The following STRA6 variants were observed in gnomAD, a reference collection of about 807,000 sequenced individuals.
STRA6 encodes the protein signaling receptor and transporter of retinol STRA6.
Under a neutral mutation model 83.6 loss-of-function variants are expected in STRA6, and 48 were observed. That is an observed-to-expected ratio of 0.57 (90% confidence interval 0.46 to 0.73). The LOEUF (loss-of-function observed/expected upper bound fraction) is 0.73, where lower values mean the gene tolerates loss of function less well. STRA6 is among the 30% of genes least tolerant of loss of function. STRA6 has a pLI of 0.00. For missense variants in STRA6, 760 were observed against 838.8 expected, an observed-to-expected ratio of 0.91 and a Z score of 1.16; for synonymous variants, 353 against 362.3, an observed-to-expected ratio of 0.97 and a Z score of 0.29.
intron 14 of STRA6, among the ~76,000 whole-genome samples, chr15:74,183,077 C>T (rs1439149934): frequency 6.6e-6 from 1 of 152,228 alleles, no homozygotes; most frequent in Admixed American, 6.5e-5. Flanking sequence ...CAGCCCCTCA[C>T]CATTCAGAGT....
rs11631944 is a variant in STRA6 at position 74,179,953 on chromosome 15, A to G, written c.*127T>C. On this transcript the variant is annotated 3_prime_UTR_variant, in exon 19 of 19. Coordinates refer to ENST00000395105, the MANE Select transcript of STRA6 (RefSeq NM_022369.4). ...TGCAGACAGACCTCCACCCAACCACAGTGATCCGGAGGACCTGCTGGCTGC... is the reference window on the plus strand; with the variant it reads ...TGCAGACAGACCTCCACCCAACCACGGTGATCCGGAGGACCTGCTGGCTGC... 0.19 allele frequency: 244,514 copies of G among 1,301,488 alleles called. 26,500 individuals carry two copies. The highest frequency in any genetic ancestry group is 0.22 in the Non-Finnish European group (202,769 of 928,572). 80.6% of individuals were successfully genotyped at this position (1,301,488 alleles called of 1,614,324 possible).
intron 8 of STRA6, among the ~76,000 whole-genome samples, chr15:74,192,633 C>T (rs1056679424): frequency 6.6e-6 from 1 of 152,208 alleles, no homozygotes; most frequent in Non-Finnish European, 1.5e-5. Context: ...CCTCCACCTT[C>T]CCTGGGCCAG....
intron 13 of STRA6, among the ~76,000 whole-genome samples, chr15:74,184,209 C>G (rs539548692): frequency 6.6e-6 from 1 of 152,178 alleles, no homozygotes; most frequent in East Asian, 1.9e-4. Flanking sequence ...GAATACAAAA[C>G]GAGGCAGAAG....
chr15:74,210,560 G>C (rs747315475), upstream of STRA6, among the ~76,000 whole-genome samples: 1 of 152,222 alleles, frequency 6.6e-6, no homozygotes, highest in East Asian at 1.9e-4. Context: ...GGTCACACTT[G>C]GGGGAGGGGT....
chr15:74,209,051 C>T (rs976690662), upstream of STRA6: 3 of 1,189,492 alleles, frequency 2.5e-6, no homozygotes, highest in African/African-American at 3.2e-5. Context: ...GAAGGCAGCT[C>T]CCCCCTTCTC....
Position 74,191,189 on chromosome 15 carries a change from G to A in STRA6, c.843C>T (p.His281=), listed in dbSNP as rs1465476903. Residue 281 remains histidine, a synonymous_variant, in exon 10 of 19, where the codon CAC becomes CAT. Coordinates refer to ENST00000395105, the MANE Select transcript of STRA6 (RefSeq NM_022369.4). ...FLSWARVCLR[H]CIYTPQPGFH... ...TACCTGGCTGTGGAGTGTAGATGCA[G>A]TGTCTCAAGCAGACGCGGGCCCAGG... The A allele has an allele frequency of 3.1e-6, 5 of 1,613,956 alleles. No homozygotes were observed. Among genetic ancestry groups the A allele is most frequent in the Middle Eastern group, 1.6e-4 (1 of 6,084 alleles).
At position 74,180,956 on chromosome 15, in the gene STRA6, T is replaced by C; in HGVS notation, c.1685-19A>G. ...TAGTAGCCTGGGGTGGGGTGGCGGA[T>C]GGCAATGCTGGGGGAGCAGGGGCCA... On this transcript the variant is annotated intron_variant, in intron 17 of 18. Coordinates refer to ENST00000395105, the MANE Select transcript of STRA6 (RefSeq NM_022369.4). 1 of 1,612,986 alleles carries C rather than the reference T, an allele frequency of 6.2e-7. No individual in the cohort carries two copies. The highest frequency in any genetic ancestry group is 8.5e-7 in the Non-Finnish European group (1 of 1,179,686).
At chr15:74,185,826 G>A (rs1027702069) in intron 12 of STRA6, among the ~76,000 whole-genome samples, 32 of 152,234 alleles carry the variant, frequency 2.1e-4, no homozygotes, top group African/African-American at 7.0e-4. Context: ...AGAGGGCTTC[G>A]CCCAGACAGC....
rs928063067 is a variant in STRA6, at chr15:74,191,869, C to T, written c.721-378G>A. ...AAGGGAAGCTTGTGTCCCACGGGCA[C>T]ATCCTAGACCAGGACACAGAAGAGG... On this transcript the variant is annotated intron_variant, in intron 8 of 18. Coordinates refer to ENST00000395105, the MANE Select transcript of STRA6 (RefSeq NM_022369.4). 5 of 377,384 alleles carry T rather than the reference C, an allele frequency of 1.3e-5. No homozygotes were observed. In the East Asian group the frequency reaches 3.2e-4, roughly 25 times the overall value. The allele number at this position is 377,384 out of a possible 1,614,324, so 23.4% of individuals were successfully genotyped here.
intron 7 of STRA6, 56 bp from the exon 8 acceptor site, chr15:74,193,978 A>T: frequency 1.2e-6 from 2 of 1,602,436 alleles, no homozygotes; most frequent in Non-Finnish European, 1.7e-6. Flanking sequence ...CCAGCCAAGA[A>T]CCAGAATCCG....
chr15:74,198,849 G>A (rs186536854), intron 2 of STRA6, among the ~76,000 whole-genome samples: 18 of 152,322 alleles, frequency 1.2e-4, no homozygotes, highest in Admixed American at 1.1e-3. Context: ...TGAGCGCAGA[G>A]GTAAACCCAC....
upstream of STRA6, among the ~76,000 whole-genome samples, chr15:74,210,780 A>G (rs2074354769): frequency 6.6e-6 from 1 of 152,166 alleles, no homozygotes; most frequent in Non-Finnish European, 1.5e-5. Flanking sequence ...TAGACTAGGT[A>G]TTGGCCAGTG....
chr15:74,182,475 A>G lies in STRA6; in HGVS notation c.1301-15T>C. 2 of 1,597,618 alleles carry G rather than the reference A, an allele frequency of 1.3e-6. No individual in the cohort carries two copies. The highest frequency in any genetic ancestry group is 8.5e-7 in the Non-Finnish European group (1 of 1,171,324). The stretch of plus-strand genomic sequence containing the variant: ...CACCAGGAGCCCTGCCAGGGGCGGG[A>G]GTGGCAGGGGGACAGAAAACAGGTT... On this transcript the variant is annotated splice_polypyrimidine_tract_variant and intron_variant, in intron 14 of 18. Coordinates refer to ENST00000395105, the MANE Select transcript of STRA6 (RefSeq NM_022369.4).
chr15:74,179,902 G>T lies in STRA6; in HGVS notation c.*178C>A. ...TGGCTCTCCCATAGCCAAGTGGGTG[G>T]AGCAGAGCCCTCCTGAGGCTCCCAG... On this transcript the variant is annotated 3_prime_UTR_variant, in exon 19 of 19. Transcript: ENST00000395105. The T allele has an allele frequency of 1.2e-6, 1 of 808,224 alleles. No homozygotes were observed. Among genetic ancestry groups the T allele is most frequent in the Non-Finnish European group, 1.9e-6 (1 of 516,638 alleles). The allele number at this position is 808,224 out of a possible 1,614,324, so 50.1% of individuals were successfully genotyped here. A position where few individuals can be genotyped will look rare whatever the true frequency, so the allele number is the denominator to read the frequency against.
At chr15:74,207,259 T>A (rs912818133), upstream of STRA6, among the ~76,000 whole-genome samples, 1 of 152,042 alleles carries the variant, frequency 6.6e-6, no homozygotes, top group African/African-American at 2.4e-5. Flanking sequence ...GCCAGCAGCA[T>A]CCCCAGAACC....
upstream of STRA6, among the ~76,000 whole-genome samples, chr15:74,211,828 CCTTTCCTTCTGTCTCTCTCTA>C (rs989455910): frequency 2.0e-5 from 3 of 152,228 alleles, no homozygotes; most frequent in African/African-American, 4.8e-5. Context: ...CAGTCTCCCT[CCTTTCCTTCTGTCTCTCTCTA>C]CTTTCCTTCT....
intron 7 of STRA6, 123 bp downstream of exon 7, chr15:74,195,179 C>T: frequency 1.3e-6 from 2 of 1,534,016 alleles, no homozygotes; most frequent in East Asian, 2.4e-5. Flanking sequence ...GGCATGGAAT[C>T]CCATGCACAA....
chr15:74,209,653 T>C (rs978762022), upstream of STRA6: 2 of 570,436 alleles, frequency 3.5e-6, no homozygotes, highest in Non-Finnish European at 6.2e-6. Flanking sequence ...AGTACATGCC[T>C]GCAACCTCCA....
rs1466287209 is a variant in STRA6 at position 74,183,978 on chromosome 15, C to T, written c.1178G>A (p.Arg393Gln). ...RSLVTHRTNL[R>Q]ALHRGAALDL... ...CAGGGCAGCTCCTCGGTGCAGAGCT[C>T]GAAGGTTGGTCCTGGGGTGGGAGCC... The change falls in exon 14 of 19, where the codon CGA becomes CAA. Residue 393 changes from arginine (R) to glutamine (Q), a missense_variant. Arg to Gln is a conservative substitution (Grantham distance 43, BLOSUM62 1). Transcript: ENST00000395105. 5 of 1,613,198 alleles carry T rather than the reference C, an allele frequency of 3.1e-6. No individual in the cohort carries two copies. The highest frequency in any genetic ancestry group is 2.2e-5 in the South Asian group (2 of 91,082).
Sources: gnomAD v4.1 joint callset for allele counts (sites outside exome capture counted in the v4.1 genomes callset) on GRCh38, gnomAD v4.1.1 for gene constraint, MANE v1.5 for transcripts, NCBI Gene and HGNC (gene_info 2026-07-23, HGNC 2026-07-21) for gene names.